NMNAT1: variants seen among roughly 807,000 people sequenced by gnomAD.
The protein encoded by NMNAT1 is nicotinamide nucleotide adenylyltransferase 1, also known as nicotinamide/nicotinic acid mononucleotide adenylyltransferase 1.
A neutral mutation model predicts 16.7 loss-of-function variants in NMNAT1; 11 were observed. The ratio of observed to expected loss-of-function variants is 0.66; its 90% confidence interval spans 0.41 to 1.09. The LOEUF is 1.09. Ranked by LOEUF, NMNAT1 falls within the 50% of genes least tolerant of loss-of-function variation. The pLI, the probability that NMNAT1 is intolerant of heterozygous loss-of-function variation, is 0.00. For synonymous variants in NMNAT1, 110 were observed against 119.8 expected (o/e 0.92, Z 0.53); for missense variants, 280 against 332.3 (o/e 0.84, Z 1.22).
intron 1 of NMNAT1, among the ~76,000 whole-genome samples, chr1:9,964,219 G>T (rs183718727): frequency 6.6e-6 from 1 of 151,602 alleles, no homozygotes; most frequent in East Asian, 2.0e-4. Flanking sequence ...GCCAGGTGTG[G>T]TGGTTCACAC....
intron 1 of NMNAT1, among the ~76,000 whole-genome samples, chr1:9,964,929 CA>C (rs775381643): frequency 0.018 from 588 of 33,462 alleles, 4 homozygotes; most frequent in Middle Eastern, 0.11. Context: ...ACCTGGGCGA[CA>C]AAAAAAAAAA....
At chr1:9,964,099 C>T (rs1425014671) in intron 1 of NMNAT1, among the ~76,000 whole-genome samples, 1 of 151,854 alleles carries the variant, frequency 6.6e-6, no homozygotes, top group Non-Finnish European at 1.5e-5. Context: ...ACCATGTTGG[C>T]CAGGCTGGTC....
chr1:9,973,609 G>A (rs1321079966), intron 2 of NMNAT1, among the ~76,000 whole-genome samples: 1 of 149,272 alleles, frequency 6.7e-6, no homozygotes, highest in South Asian at 2.2e-4. Context: ...TTGGGAGGCT[G>A]AGGCAGGAGG....
chr1:9,975,477 CAG>C, intron 2 of NMNAT1, 113 bp from the exon 3 acceptor site: 1 of 831,372 alleles, frequency 1.2e-6, no homozygotes, highest in Non-Finnish European at 1.8e-6. Flanking sequence ...GCCTGGGGAA[CAG>C]AGCAAGACTC....
At chr1:9,951,013 C>A (rs1660733) in intron 1 of NMNAT1, among the ~76,000 whole-genome samples, 98,184 of 151,332 alleles carry the variant, frequency 0.65, 36,485 homozygotes, top group Non-Finnish European at 0.84. Flanking sequence ...TGCTTTAATC[C>A]AGGAGGAGGA....
intron 3 of NMNAT1, among the ~76,000 whole-genome samples, chr1:9,980,354 G>A (rs941589572): frequency 6.6e-6 from 1 of 151,752 alleles, no homozygotes; most frequent in Non-Finnish European, 1.5e-5. Context: ...ATGTTGGCCA[G>A]GCACCTATAA....
At chr1:9,949,139 AGGCACCTG>A (rs1641048206) in intron 1 of NMNAT1, among the ~76,000 whole-genome samples, 1 of 151,062 alleles carries the variant, frequency 6.6e-6, no homozygotes, top group Non-Finnish European at 1.5e-5. Flanking sequence ...GCATGGTGGC[AGGCACCTG>A]TAATCCCAGC....
the NMNAT1 span, among the ~76,000 whole-genome samples, chr1:9,992,901 G>C: frequency 3.3e-5 from 5 of 151,646 alleles, no homozygotes; most frequent in African/African-American, 1.2e-4. Flanking sequence ...AACAAAGCGA[G>C]ACTTGGTCTC....
At chr1:9,964,470 C>T (rs752424726) in intron 1 of NMNAT1, among the ~76,000 whole-genome samples, 2 of 150,846 alleles carry the variant, frequency 1.3e-5, no homozygotes, top group Non-Finnish European at 3.0e-5. Flanking sequence ...CCCAGGAGAT[C>T]GTGGCTGCAG....
At position 9,984,530 on chromosome 1, in the gene NMNAT1, G is replaced by A. The variant is rs946642866; in HGVS notation, c.*1829G>A. The A allele has an allele frequency of 1.3e-5, 2 of 152,140 alleles. No individual in the cohort carries two copies. The highest frequency in any genetic ancestry group is 6.6e-5 in the Admixed American group (1 of 15,254). 9.4% of individuals were successfully genotyped at this position (152,140 alleles called of 1,614,324 possible). The stretch of plus-strand genomic sequence containing the variant: ...TTTGAATAATGGAAGTTAGAACAAT[G>A]AATTTCACAGGGGAATAAATATTAA... On this transcript the variant is annotated 3_prime_UTR_variant, in exon 5 of 5. Coordinates refer to ENST00000377205, the MANE Select transcript of NMNAT1 (RefSeq NM_022787.4).
At chr1:9,970,377 A>C (rs1641659633) in intron 1 of NMNAT1, among the ~76,000 whole-genome samples, 1 of 151,300 alleles carries the variant, frequency 6.6e-6, no homozygotes, top group Admixed American at 6.6e-5. Context: ...GATGTTCTAG[A>C]TCTATATATA....
At position 9,962,677 on chromosome 1, in the gene NMNAT1, GTTTTTT is replaced by G. The variant is rs34747915; in HGVS notation, c.-56-9324_-56-9319del. Among the ~76,000 whole-genome samples, 261 of 74,234 alleles carry G rather than the reference GTTTTTT, an allele frequency of 3.5e-3. 1 individual carries two copies. The highest frequency in any genetic ancestry group is 4.3e-3 in the Non-Finnish European group (194 of 45,198). 48.7% of individuals were successfully genotyped at this position (74,234 alleles called of 152,430 possible). On this transcript the variant is annotated intron_variant, in intron 1 of 4. Transcript: ENST00000377205. ...ATCAAGATCACACAACCAAATAAGG[GTTTTTT>G]TTTTTTTTTTTTTTTTGAGACGGAG...
intron 1 of NMNAT1, among the ~76,000 whole-genome samples, chr1:9,952,837 C>G (rs1034865692): frequency 6.6e-6 from 1 of 152,022 alleles, no homozygotes; most frequent in African/African-American, 2.4e-5. Context: ...CCACGCTCGG[C>G]TAGAAACATA....
intron 2 of NMNAT1, among the ~76,000 whole-genome samples, chr1:9,974,560 T>C (rs1376423461): frequency 1.3e-5 from 2 of 152,008 alleles, no homozygotes; most frequent in Admixed American, 6.6e-5. Flanking sequence ...GGCTAATTTT[T>C]TGTATTTTTA....
intron 1 of NMNAT1, among the ~76,000 whole-genome samples, chr1:9,962,355 G>T (rs1428050543): frequency 2.0e-5 from 3 of 151,372 alleles, no homozygotes; most frequent in Non-Finnish European, 2.9e-5. Context: ...AGTGGTGGGC[G>T]CCTGCAGTCC....
At chr1:9,972,484 G>T in intron 2 of NMNAT1, 1 of 118,352 alleles carries the variant, frequency 8.4e-6, no homozygotes, top group Non-Finnish European at 1.6e-5. Flanking sequence ...GACAGAGCAA[G>T]ACACCATCTC....
intron 1 of NMNAT1, among the ~76,000 whole-genome samples, chr1:9,962,235 C>A (rs546086043): frequency 6.6e-6 from 1 of 152,012 alleles, no homozygotes; most frequent in South Asian, 2.1e-4. Flanking sequence ...ATAATCCCAG[C>A]ACTTTTGGAG....
intron 1 of NMNAT1, among the ~76,000 whole-genome samples, chr1:9,954,146 T>C (rs1006881619): frequency 6.6e-6 from 1 of 152,078 alleles, no homozygotes; most frequent in Non-Finnish European, 1.5e-5. Flanking sequence ...GAAAATATAA[T>C]TAAGATAGAT....
chr1:9,972,263 C>A, intron 2 of NMNAT1, 75 bp downstream of exon 2: 1 of 770,532 alleles, frequency 1.3e-6, no homozygotes, highest in Non-Finnish European at 2.3e-6. Flanking sequence ...GCAATCCCAG[C>A]ATTTTGGGAG....
Sources: gnomAD v4.1 joint callset for allele counts (sites outside exome capture counted in the v4.1 genomes callset) on GRCh38, gnomAD v4.1.1 for gene constraint, MANE v1.5 for transcripts, NCBI Gene and HGNC (gene_info 2026-07-23, HGNC 2026-07-21) for gene names.